Variants in VAV2 observed in about 807,000 individuals in gnomAD.
VAV2 encodes the protein vav guanine nucleotide exchange factor 2.
A neutral mutation model predicts 132.5 loss-of-function variants in VAV2; 67 were observed. The observed-to-expected ratio is 0.51, with a 90% confidence interval of 0.42 to 0.62. The LOEUF (loss-of-function observed/expected upper bound fraction) is 0.62. Ranked by LOEUF, VAV2 falls within the 20% of genes least tolerant of loss-of-function variation. The pLI is 0.00. For synonymous variants in VAV2, 492 were observed against 443.5 expected, an observed-to-expected ratio of 1.11 and a Z score of -1.37; for missense variants, 938 against 1,153.6, an observed-to-expected ratio of 0.81 and a Z score of 2.71.
intron 2 of VAV2, among the ~76,000 whole-genome samples, chr9:133,894,496 C>A (rs542391891): frequency 6.6e-6 from 1 of 152,322 alleles, no homozygotes; most frequent in South Asian, 2.1e-4. Flanking sequence ...AGGAGAGGCC[C>A]CCAGAAACCC....
At chr9:133,903,754 G>A (rs1048149321) in intron 2 of VAV2, among the ~76,000 whole-genome samples, 1 of 152,144 alleles carries the variant, frequency 6.6e-6, no homozygotes, top group African/African-American at 2.4e-5. Context: ...CTCAACAGGG[G>A]GATGCTGGCG....
intron 4 of VAV2, among the ~76,000 whole-genome samples, chr9:133,819,861 A>G (rs570964868): frequency 1.9e-4 from 29 of 152,352 alleles, no homozygotes; most frequent in Non-Finnish European, 1.2e-4. Flanking sequence ...TGAGAGAGGG[A>G]GAAATAAAGG....
chr9:133,960,734 G>A (rs1841938949), intron 1 of VAV2, among the ~76,000 whole-genome samples: 1 of 152,246 alleles, frequency 6.6e-6, no homozygotes, highest in South Asian at 2.1e-4. Context: ...CGCTTTGTCT[G>A]CCTGACTCTG....
At chr9:133,852,047 T>G (rs56745684) in intron 3 of VAV2, among the ~76,000 whole-genome samples, 31,727 of 150,190 alleles carry the variant, frequency 0.21, 4,025 homozygotes, top group African/African-American at 0.36. Context: ...TGGATGGATG[T>G]ATGGATGGAT....
chr9:133,985,226 TTGTGTGTGTGTGTGTGTGTGTG>T (rs59748267), intron 1 of VAV2, among the ~76,000 whole-genome samples: 3 of 137,152 alleles, frequency 2.2e-5, no homozygotes, highest in South Asian at 2.6e-4. Context: ...TCTTGCCTTA[TTGTGTGTGTGTGTGTGTGTGTG>T]TGTGTGTGTG....
chr9:133,848,785 C>T (rs1837053001), intron 3 of VAV2, among the ~76,000 whole-genome samples: 1 of 152,210 alleles, frequency 6.6e-6, no homozygotes, highest in Non-Finnish European at 1.5e-5. Context: ...CTCCCCTGAA[C>T]TCCTGGCAGC....
At position 133,770,504 on chromosome 9, in the gene VAV2, G is replaced by A. The variant is rs749585609; in HGVS notation, c.2224-3C>T. 2.5e-6 allele frequency: 4 copies of A among 1,613,660 alleles called. No homozygotes were observed. The highest frequency in any genetic ancestry group is 2.2e-5 in the South Asian group (2 of 91,074). On this transcript the variant is annotated splice_polypyrimidine_tract_variant and splice_region_variant and intron_variant, in intron 26 of 29. Transcript: ENST00000371850. ...CACTGGTAGTACTCCACCAACTCCT[G>A]CAGGGCGTACACACTCACTGACAGC...
At chr9:133,774,880 C>A (rs1833759081) in intron 25 of VAV2, 55 bp downstream of exon 25, 1 of 1,503,012 alleles carries the variant, frequency 6.7e-7, no homozygotes, top group South Asian at 1.2e-5. Context: ...TGGTGCTCTC[C>A]ACTTCAGAAC....
At chr9:133,876,024 C>T (rs558798513) in intron 2 of VAV2, among the ~76,000 whole-genome samples, 6 of 152,370 alleles carry the variant, frequency 3.9e-5, no homozygotes, top group Admixed American at 2.6e-4. Flanking sequence ...CATCGACGCT[C>T]GTCGTTCTCA....
At chr9:133,818,259 A>G (rs1835645461) in intron 4 of VAV2, among the ~76,000 whole-genome samples, 2 of 151,842 alleles carry the variant, frequency 1.3e-5, no homozygotes, top group Admixed American at 6.6e-5. Flanking sequence ...CCAGCTACTC[A>G]AGAGGCTGAG....
Position 133,957,535 on chromosome 9 carries a change from C to G in VAV2, c.205-18316G>C, listed in dbSNP as rs76963188. On this transcript the variant is annotated intron_variant, in intron 1 of 29. Transcript: ENST00000371850. ...CAGGTGTCCCAGCTCCCTGCCTCCC[C>G]GGCTGCAGGGCAGGGCGAGGAGGGG... 1.6e-3 allele frequency among the ~76,000 whole-genome samples: 238 copies of G among 152,266 alleles called. 1 individual carries two copies. The highest frequency in any genetic ancestry group is 0.015 in the East Asian group (79 of 5,166).
In VAV2 at chr9:133,762,345, T is replaced by C. The variant is rs1012692625; in HGVS notation, c.*1717A>G. On this transcript the variant is annotated 3_prime_UTR_variant, in exon 30 of 30. Coordinates refer to ENST00000371850, the MANE Select transcript of VAV2 (RefSeq NM_001134398.2). The surrounding 1 kb of genome is among the most constrained non-coding windows in gnomAD (Gnocchi z 5.0). ...TAAAATCTCTTATTATTCACAGATA[T>C]ATAACGGGAGATTTGGATGAAATAA... 4.6e-5 allele frequency: 7 copies of C among 152,638 alleles called. No homozygotes were observed. The highest frequency in any genetic ancestry group is 1.4e-4 in the African/African-American group (6 of 41,456). 9.5% of individuals were successfully genotyped at this position (152,638 alleles called of 1,614,324 possible). A position where few individuals can be genotyped will look rare whatever the true frequency, so the allele number is the denominator to read the frequency against.
Position 133,834,475 on chromosome 9 carries a change from A to G in VAV2, c.381-135T>C, listed in dbSNP as rs1836385074. The G allele has an allele frequency of 4.5e-6, 4 of 880,690 alleles. No individual in the cohort carries two copies. Among genetic ancestry groups the G allele is most frequent in the Non-Finnish European group, 7.0e-6 (4 of 573,928 alleles). The allele number at this position is 880,690 out of a possible 1,614,324, so 54.6% of individuals were successfully genotyped here. A position where few individuals can be genotyped will look rare whatever the true frequency, so the allele number is the denominator to read the frequency against. ...GGGCTCTTGTCCACTCTCTGGAAGGACACAGGGTGCGCGGACACTGATCGG... is the reference window on the plus strand; with the variant it reads ...GGGCTCTTGTCCACTCTCTGGAAGGGCACAGGGTGCGCGGACACTGATCGG... On this transcript the variant is annotated intron_variant, in intron 3 of 29. Coordinates refer to ENST00000371850, the MANE Select transcript of VAV2 (RefSeq NM_001134398.2). The surrounding 1 kb of genome is among the most constrained non-coding windows in gnomAD (Gnocchi z 5.9).
At chr9:133,980,115 G>A (rs73662361) in intron 1 of VAV2, among the ~76,000 whole-genome samples, 1,647 of 152,342 alleles carry the variant, frequency 0.011, 27 homozygotes, top group African/African-American at 0.037. Context: ...TGTGGCCAGA[G>A]GGCAGAGCTG....
intron 2 of VAV2, among the ~76,000 whole-genome samples, chr9:133,906,994 G>A (rs918716473): frequency 1.3e-5 from 2 of 152,216 alleles, no homozygotes; most frequent in Non-Finnish European, 2.9e-5. Context: ...GTGAGTGATG[G>A]CCGCTATGCT....
intron 1 of VAV2, among the ~76,000 whole-genome samples, chr9:133,983,755 C>T (rs1257056315): frequency 6.6e-6 from 1 of 152,124 alleles, no homozygotes; most frequent in Admixed American, 6.5e-5. Flanking sequence ...AGTCCCACTC[C>T]CGGTCAGTCC....
intron 2 of VAV2, among the ~76,000 whole-genome samples, chr9:133,876,219 A>G (rs940148497): frequency 1.3e-5 from 2 of 152,222 alleles, no homozygotes; most frequent in Non-Finnish European, 2.9e-5. Context: ...ATCTATCCAT[A>G]TGCTATCAGC....
At chr9:133,975,191 C>T (rs905550481) in intron 1 of VAV2, among the ~76,000 whole-genome samples, 1 of 152,142 alleles carries the variant, frequency 6.6e-6, no homozygotes, top group Non-Finnish European at 1.5e-5. Flanking sequence ...AAGGCAGGCA[C>T]CCCAGCCTGC....
chr9:133,900,353 TC>T (rs1467761521), intron 2 of VAV2, among the ~76,000 whole-genome samples: 2 of 152,194 alleles, frequency 1.3e-5, no homozygotes, highest in East Asian at 3.9e-4. Flanking sequence ...AGTTCCATTC[TC>T]CCCTGGAGCT....
Sources: gnomAD v4.1 joint callset for allele counts (sites outside exome capture counted in the v4.1 genomes callset) on GRCh38, gnomAD v4.1.1 for gene constraint, Gnocchi (gnomAD v3.1) non-coding constraint, MANE v1.5 for transcripts, NCBI Gene and HGNC (gene_info 2026-07-23, HGNC 2026-07-21) for gene names.